The following CCDC7 variants were observed in gnomAD, a reference collection of about 807,000 sequenced individuals.
The protein encoded by CCDC7 is coiled-coil domain-containing protein 7.
In CCDC7, 183 loss-of-function variants were observed where a neutral mutation model predicts 196.9. The ratio of observed to expected loss-of-function variants is 0.93; its 90% CI spans 0.82 to 1.05. The LOEUF is 1.05. CCDC7 is among the 50% of genes least tolerant of loss of function. The pLI, the probability that CCDC7 is intolerant of heterozygous loss-of-function variation, is 0.00. For synonymous variants in CCDC7, 525 were observed against 484.6 expected (o/e 1.08, Z -1.10); for missense variants, 1,540 against 1,482.2 (o/e 1.04, Z -0.64).
At chr10:32,593,922 A>G (rs1052219760) in intron 18 of CCDC7, among the ~76,000 whole-genome samples, 1 of 152,176 alleles carries the variant, frequency 6.6e-6, no homozygotes, top group African/African-American at 2.4e-5. Flanking sequence ...CTCTTTTGGT[A>G]CCTGTACCAT....
chr10:32,853,179 G>T (rs1044512518), intron 40 of CCDC7, among the ~76,000 whole-genome samples: 6 of 151,812 alleles, frequency 4.0e-5, no homozygotes, highest in Admixed American at 2.0e-4. Context: ...CTAAGCCCAA[G>T]ACTTTTATTT....
intron 11 of CCDC7, among the ~76,000 whole-genome samples, chr10:32,528,915 T>C (rs1211537915): frequency 2.0e-5 from 3 of 151,916 alleles, no homozygotes; most frequent in Non-Finnish European, 2.9e-5. Context: ...AATATCTTTT[T>C]TGTATAATGA....
chr10:32,825,711 A>G (rs1342083020), intron 32 of CCDC7, among the ~76,000 whole-genome samples: 1 of 151,970 alleles, frequency 6.6e-6, no homozygotes, highest in Non-Finnish European at 1.5e-5. Context: ...AATGTTAAGG[A>G]CTCTACTTCT....
At chr10:32,643,465 T>G (rs2067202731) in intron 20 of CCDC7, among the ~76,000 whole-genome samples, 1 of 152,058 alleles carries the variant, frequency 6.6e-6, no homozygotes. Context: ...GTGACTGTCT[T>G]TTTTTATTCA....
intron 29 of CCDC7, among the ~76,000 whole-genome samples, chr10:32,789,376 A>T (rs1173113974): frequency 6.6e-6 from 1 of 152,116 alleles, no homozygotes; most frequent in Non-Finnish European, 1.5e-5. Context: ...AATGAACTCA[A>T]TAAAGAGATA....
intron 20 of CCDC7, among the ~76,000 whole-genome samples, chr10:32,648,736 G>A (rs766603224): frequency 6.6e-6 from 1 of 152,062 alleles, no homozygotes; most frequent in African/African-American, 2.4e-5. Flanking sequence ...TCTCATTTTG[G>A]TTTTGATTTG....
At chr10:32,723,590 GT>G (rs2082709247) in intron 25 of CCDC7, among the ~76,000 whole-genome samples, 1 of 152,066 alleles carries the variant, frequency 6.6e-6, no homozygotes, top group African/African-American at 2.4e-5. Context: ...GATGTAGATT[GT>G]TTTGGATGCT....
chr10:32,583,328 T>A, intron 17 of CCDC7, 21 bp downstream of exon 18: 4 of 1,209,264 alleles, frequency 3.3e-6, no homozygotes, highest in Non-Finnish European at 4.1e-6. Flanking sequence ...TATAGAAACT[T>A]GAAAGCTGTT....
At chr10:32,874,783 C>CAT (rs1555212354) in intron 41 of CCDC7, among the ~76,000 whole-genome samples, 1 of 143,322 alleles carries the variant, frequency 7.0e-6, no homozygotes, top group Non-Finnish European at 1.5e-5. Context: ...CACACACACA[C>CAT]ATATATACAC....
chr10:32,563,743 C>T (rs1027994192), intron 13 of CCDC7, among the ~76,000 whole-genome samples: 5 of 152,132 alleles, frequency 3.3e-5, no homozygotes, highest in East Asian at 3.9e-4. Context: ...GGCATGGGCA[C>T]GGACTTCATG....
At chr10:32,818,323 C>G (rs1403581459) in intron 31 of CCDC7, among the ~76,000 whole-genome samples, 1 of 152,138 alleles carries the variant, frequency 6.6e-6, no homozygotes, top group South Asian at 2.1e-4. Flanking sequence ...TACAGGAGCA[C>G]CCAGATTTAT....
chr10:32,833,523 A>G (rs568330909), intron 32 of CCDC7, among the ~76,000 whole-genome samples: 2 of 152,162 alleles, frequency 1.3e-5, no homozygotes, highest in East Asian at 3.9e-4. Context: ...GTCCTCAAAT[A>G]CTCATTACTG....
intron 20 of CCDC7, among the ~76,000 whole-genome samples, chr10:32,656,218 TC>T (rs1295052531): frequency 6.6e-6 from 1 of 152,196 alleles, no homozygotes; most frequent in Non-Finnish European, 1.5e-5. Context: ...TACCATCAGA[TC>T]CAGCAGTTCC....
At chr10:32,748,232 G>A (rs2075122428) in intron 28 of CCDC7, among the ~76,000 whole-genome samples, 1 of 152,082 alleles carries the variant, frequency 6.6e-6, no homozygotes, top group Non-Finnish European at 1.5e-5. Flanking sequence ...ATGGGTGGAG[G>A]TGAGGATCAA....
intron 13 of CCDC7, among the ~76,000 whole-genome samples, chr10:32,556,773 AG>A (rs913443392): frequency 6.6e-6 from 1 of 152,224 alleles, no homozygotes; most frequent in African/African-American, 2.4e-5. Flanking sequence ...ATCCTAATTT[AG>A]GGTTCTAATT....
exon 35 of CCDC7, chr10:32,845,589 G>T: frequency 6.2e-7 from 1 of 1,612,730 alleles, no homozygotes; most frequent in Non-Finnish European, 8.5e-7. Context: ...GAGGTCTAAT[G>T]AAGGAGTCAA....
At chr10:32,730,424 A>AT (rs2083765955) in intron 28 of CCDC7, among the ~76,000 whole-genome samples, 3 of 151,880 alleles carry the variant, frequency 2.0e-5, no homozygotes, top group Admixed American at 6.6e-5. Context: ...ATCATCATAC[A>AT]TTTTTCCTTA....
intron 28 of CCDC7, among the ~76,000 whole-genome samples, chr10:32,731,623 TAA>T (rs1487766189): frequency 2.6e-5 from 4 of 152,218 alleles, no homozygotes; most frequent in Non-Finnish European, 5.9e-5. Flanking sequence ...TATGAAGTAA[TAA>T]GAGTGCCTCC....
At chr10:32,574,712 A>G (rs1049398899) in intron 16 of CCDC7, 2 of 250,252 alleles carry the variant, frequency 8.0e-6, no homozygotes, top group African/African-American at 4.5e-5. Flanking sequence ...CTTTTTAGAA[A>G]TGAAAATGTG....
Sources: gnomAD v4.1 joint callset for allele counts (sites outside exome capture counted in the v4.1 genomes callset) on GRCh38, gnomAD v4.1.1 for gene constraint, MANE v1.5 for transcripts, NCBI Gene and HGNC (gene_info 2026-07-23, HGNC 2026-07-21) for gene names.